Variants in GTF3C3 observed in about 807,000 individuals in gnomAD.
The protein encoded by GTF3C3 is general transcription factor 3C polypeptide 3.
Under a neutral mutation model 105.2 loss-of-function variants are expected in GTF3C3, and 75 were observed. That is an observed-to-expected ratio of 0.71 (90% CI 0.59 to 0.86). The LOEUF (loss-of-function observed/expected upper bound fraction) is 0.86, where lower values mean the gene tolerates loss of function less well. Among genes scored for constraint, GTF3C3 ranks in the 40% least tolerant of loss-of-function variants. The pLI, the probability that GTF3C3 is intolerant of heterozygous loss-of-function variation, is 0.00. For missense variants in GTF3C3, 856 were observed against 1,076.5 expected, an observed-to-expected ratio of 0.80 and a Z score of 2.87; for synonymous variants, 335 against 370.4, an observed-to-expected ratio of 0.90 and a Z score of 1.10.
chr2:196,785,602 G>A lies in GTF3C3; in HGVS notation c.894-14C>T. 6.4e-7 allele frequency: 1 copy of A among 1,552,322 alleles called. No individual in the cohort carries two copies. Among genetic ancestry groups the A allele is most frequent in the South Asian group, 1.1e-5 (1 of 87,658 alleles). ...TCATAGTAACTCCTAAAAAAAAGTG[G>A]CAAAATGGATGAATATTTACTTAAT... On this transcript the variant is annotated splice_polypyrimidine_tract_variant and intron_variant, in intron 6 of 17. Transcript: ENST00000263956.
chr2:196,776,352 G>C lies in GTF3C3; in HGVS notation c.1593+75C>G. 8.2e-7 allele frequency: 1 copy of C among 1,222,066 alleles called. No individual in the cohort carries two copies. Among genetic ancestry groups the C allele is most frequent in the Admixed American group, 2.0e-5 (1 of 50,268 alleles). 75.7% of individuals were successfully genotyped at this position (1,222,066 alleles called of 1,614,324 possible). On this transcript the variant is annotated intron_variant, in intron 11 of 17. Coordinates refer to ENST00000263956, the MANE Select transcript of GTF3C3 (RefSeq NM_012086.5). This position sits in a 1 kb window ranked among gnomAD's most constrained non-coding sequence, Gnocchi z 4.5. The stretch of plus-strand genomic sequence containing the variant: ...TAAAATTTTGGATATAAGCTATAGA[G>C]ACATCCTTAATGGAGGAGAAAGTTC...
At chr2:196,788,153 C>A (rs1699483991) in intron 6 of GTF3C3, among the ~76,000 whole-genome samples, 1 of 152,218 alleles carries the variant, frequency 6.6e-6, no homozygotes. Flanking sequence ...CTTAGGGTTG[C>A]CTTGCCTCAA....
chr2:196,764,707 T>TATG, intron 17 of GTF3C3, 22 bp from the exon 18 acceptor site: 1 of 1,592,510 alleles, frequency 6.3e-7, no homozygotes, highest in South Asian at 1.1e-5. Flanking sequence ...AAGATACCTT[T>TATG]ATGTTTAATA....
chr2:196,771,190 A>G (rs1200523058), intron 15 of GTF3C3, among the ~76,000 whole-genome samples: 2 of 152,184 alleles, frequency 1.3e-5, no homozygotes, highest in Non-Finnish European at 2.9e-5. Flanking sequence ...ATTCCTTATT[A>G]TAAATGATTA....
At chr2:196,793,205 G>A in intron 2 of GTF3C3, 53 bp from the exon 3 acceptor site, 1 of 1,262,158 alleles carries the variant, frequency 7.9e-7, no homozygotes, top group East Asian at 2.4e-5. Context: ...AGAATTCTCA[G>A]TGAAAAACAA....
At chr2:196,784,698 G>A (rs1699423166) in intron 8 of GTF3C3, 159 bp downstream of exon 8, 1 of 616,746 alleles carries the variant, frequency 1.6e-6, no homozygotes, top group African/African-American at 2.0e-5. Flanking sequence ...ATACTCACAA[G>A]ATATGAAATC....
rs1221464766 is a variant in GTF3C3, at chr2:196,789,184, C to T, written c.893+20G>A. ...ACAAGATTAACAGGAGCAAGTAGAT[C>T]TGTTTCACTCCAAACTTACTTTGCC... On this transcript the variant is annotated intron_variant, in intron 6 of 17. Transcript: ENST00000263956. 3.8e-6 allele frequency: 6 copies of T among 1,572,674 alleles called. No homozygotes were observed. Among genetic ancestry groups the T allele is most frequent in the African/African-American group, 2.7e-5 (2 of 73,306 alleles).
chr2:196,766,612 T>C lies in GTF3C3; in HGVS notation c.2491A>G (p.Ile831Val), dbSNP rs1382096480. 3.1e-6 allele frequency: 5 copies of C among 1,613,018 alleles called. No individual in the cohort carries two copies. Among genetic ancestry groups the C allele is most frequent in the South Asian group, 1.1e-5 (1 of 90,948 alleles). ...TCCAGGGCCTTCTGATAATAGTGGA[T>C]TGCAAGATGAATCAGCCCCAACTGA... ...LHQLGLIHLA[I>V]HYYQKALELP... The change falls in exon 17 of 18, where the codon ATC (isoleucine) becomes GTC (valine). Residue 831 changes from isoleucine to valine, a missense_variant. This residue lies in a region of GTF3C3 where 134 missense variants were observed against 128.9 expected (regional missense o/e 1.04). Coordinates refer to ENST00000263956, the MANE Select transcript of GTF3C3 (RefSeq NM_012086.5).
intron 6 of GTF3C3, among the ~76,000 whole-genome samples, chr2:196,788,153 C>G (rs1699483991): frequency 6.6e-6 from 1 of 152,218 alleles, no homozygotes; most frequent in South Asian, 2.1e-4. Context: ...CTTAGGGTTG[C>G]CTTGCCTCAA....
Position 196,780,679 on chromosome 2 carries a change from C to A in GTF3C3, c.1115-17G>T. ...TCTCAGGAGCTGGAGAATACACAGA[C>A]AAGAAGCAGTTACTATATGCAAGCT... On this transcript the variant is annotated splice_polypyrimidine_tract_variant and intron_variant, in intron 8 of 17. Transcript: ENST00000263956. The A allele has an allele frequency of 6.2e-7, 1 of 1,605,922 alleles. No homozygotes were observed. Among genetic ancestry groups the A allele is most frequent in the Non-Finnish European group, 8.5e-7 (1 of 1,175,194 alleles).
intron 17 of GTF3C3, among the ~76,000 whole-genome samples, chr2:196,765,570 C>G (rs1055652811): frequency 1.3e-5 from 2 of 149,142 alleles, no homozygotes; most frequent in African/African-American, 4.9e-5. Flanking sequence ...TGCGTATACA[C>G]CTATTTTTAT....
chr2:196,772,803 A>G (rs1699198111), intron 14 of GTF3C3, 113 bp downstream of exon 14: 3 of 621,794 alleles, frequency 4.8e-6, no homozygotes, highest in East Asian at 2.8e-5. Flanking sequence ...GGAATCACCA[A>G]TTAACCAGTT....
chr2:196,782,829 G>A (rs1699389611), intron 8 of GTF3C3, among the ~76,000 whole-genome samples: 1 of 152,088 alleles, frequency 6.6e-6, no homozygotes. Context: ...ATACTTTAAT[G>A]GCAACTTGAC....
Position 196,780,592 on chromosome 2 carries a change from G to A in GTF3C3, c.1185C>T (p.Cys395=), listed in dbSNP as rs370658709. 2.5e-6 allele frequency: 4 copies of A among 1,613,446 alleles called. No homozygotes were observed. The highest frequency in any genetic ancestry group is 1.3e-5 in the African/African-American group (1 of 74,890). Residue 395 remains cysteine (C), a synonymous_variant, in exon 9 of 18, where the codon TGC becomes TGT. Transcript: ENST00000263956. ...PIDITVKLMV[C]LVHLNILEPL... ...GTTCAAGAATGTTGAGATGTACAAG[G>A]CAGACCATCAACTTCACTGTGATAT...
At chr2:196,783,825 C>T (rs1280989406) in intron 8 of GTF3C3, among the ~76,000 whole-genome samples, 1 of 152,188 alleles carries the variant, frequency 6.6e-6, no homozygotes, top group African/African-American at 2.4e-5. Context: ...AACGCCTCTT[C>T]CCGCCTCCAC....
chr2:196,769,908 G>A lies in GTF3C3; in HGVS notation c.2385+7C>T, dbSNP rs770342119. The stretch of plus-strand genomic sequence containing the variant: ...AAATCAAGTAACGAGAAATTTGAAT[G>A]AATTACCTGTACAATAAGAGCATGT... On this transcript the variant is annotated splice_region_variant and intron_variant, in intron 16 of 17. Coordinates refer to ENST00000263956, the MANE Select transcript of GTF3C3 (RefSeq NM_012086.5). 1.9e-6 allele frequency: 3 copies of A among 1,601,178 alleles called. No homozygotes were observed. Among genetic ancestry groups the A allele is most frequent in the Non-Finnish European group, 8.5e-7 (1 of 1,171,604 alleles).
chr2:196,770,809 CT>C (rs1273131183), intron 15 of GTF3C3, among the ~76,000 whole-genome samples: 1 of 152,062 alleles, frequency 6.6e-6, no homozygotes, highest in Admixed American at 6.5e-5. Flanking sequence ...TCATTTTAAC[CT>C]TTTGTAAAAG....
chr2:196,797,128 A>AT (rs1317214036), intron 2 of GTF3C3, among the ~76,000 whole-genome samples: 2 of 152,244 alleles, frequency 1.3e-5, no homozygotes, highest in Non-Finnish European at 2.9e-5. Flanking sequence ...ACAGTTTAGC[A>AT]TCCCAGTTAA....
chr2:196,779,116 A>C, intron 9 of GTF3C3, 49 bp from the exon 10 acceptor site: 1 of 1,439,738 alleles, frequency 6.9e-7, no homozygotes, highest in Non-Finnish European at 9.6e-7. Context: ...ACAAACGTGC[A>C]CATCTATCTA....
Sources: gnomAD v4.1 joint callset for allele counts (sites outside exome capture counted in the v4.1 genomes callset) on GRCh38, gnomAD v4.1.1 for gene constraint, gnomAD v4.1.1 regional missense constraint, Gnocchi (gnomAD v3.1) non-coding constraint, MANE v1.5 for transcripts, NCBI Gene and HGNC (gene_info 2026-07-23, HGNC 2026-07-21) for gene names.